AKAP12: variants seen among roughly 807,000 people sequenced by gnomAD.
AKAP12 encodes the protein A-kinase anchor protein 12.
In AKAP12, 32 loss-of-function variants were observed where a neutral mutation model predicts 79.9. The observed-to-expected ratio is 0.40, with a 90% CI of 0.30 to 0.54. The LOEUF is 0.54. Among genes scored for constraint, AKAP12 ranks in the 20% least tolerant of loss-of-function variants. The pLI, the probability that AKAP12 is intolerant of heterozygous loss-of-function variation, is 0.48. For missense variants in AKAP12, 2,074 were observed against 2,177.0 expected (o/e 0.95, Z 0.94); for synonymous variants, 808 against 857.0 (o/e 0.94, Z 1.00).
intron 3 of AKAP12, chr6:151,325,126 C>G (rs2114784703): frequency 1.0e-6 from 1 of 985,424 alleles, no homozygotes; most frequent in African/African-American, 1.7e-5. Context: ...GTTTAGGAAA[C>G]AGCACTACTG....
chr6:151,323,986 C>T, intron 3 of AKAP12: 2 of 985,386 alleles, frequency 2.0e-6, no homozygotes, highest in Non-Finnish European at 2.4e-6. Flanking sequence ...CCCAAGTCGT[C>T]TTTATCCATG....
At chr6:151,287,618 G>T (rs9479003) in intron 2 of AKAP12, among the ~76,000 whole-genome samples, 9,274 of 152,244 alleles carry the variant, frequency 0.061, 368 homozygotes, top group Middle Eastern at 0.092. Flanking sequence ...CCGTTGGTCG[G>T]AGTATAAATT....
At chr6:151,306,036 G>T in intron 3 of AKAP12, 133 bp downstream of exon 3, 4 of 996,582 alleles carry the variant, frequency 4.0e-6, no homozygotes, top group Non-Finnish European at 5.7e-6. Context: ...GGTTACAAAA[G>T]GAAGTATTTA....
intron 2 of AKAP12, among the ~76,000 whole-genome samples, chr6:151,257,419 C>T (rs1258468975): frequency 6.6e-6 from 1 of 152,198 alleles, no homozygotes; most frequent in Non-Finnish European, 1.5e-5. Flanking sequence ...GCCTCAGCCT[C>T]CTGAGTAGCT....
chr6:151,248,599 G>T (rs1357656305), intron 2 of AKAP12, among the ~76,000 whole-genome samples: 1 of 152,214 alleles, frequency 6.6e-6, no homozygotes, highest in Non-Finnish European at 1.5e-5. Context: ...GGTTTCACAT[G>T]ATGAAAGAGT....
At position 151,351,953 on chromosome 6, in the gene AKAP12, A is replaced by G. The variant is rs1256292884; in HGVS notation, c.3562A>G (p.Lys1188Glu). The G allele has an allele frequency of 6.2e-7, 1 of 1,614,156 alleles. No individual in the cohort carries two copies. The highest frequency in any genetic ancestry group is 1.1e-5 in the South Asian group (1 of 91,076). The stretch of plus-strand genomic sequence containing the variant: ...CTTTGACGCACCAGGCACAACCCAG[A>G]AAGACGAGATTGTGGAAATCCATGA... The part of the protein sequence containing the change: ...ADFDAPGTTQ[K>E]DEIVEIHEEN... The change falls in exon 4 of 5, where the codon AAA (lysine) becomes GAA (glutamate). Residue 1188 changes from lysine to glutamate, a missense_variant. Around this residue, in one of 3 missense-constraint regions of AKAP12, gnomAD observed 32 missense variants for 60.4 expected, o/e 0.53. Coordinates refer to ENST00000402676, the MANE Select transcript of AKAP12 (RefSeq NM_005100.4). This position sits in a 1 kb window ranked among gnomAD's most constrained non-coding sequence, Gnocchi z 4.4.
chr6:151,357,711 T>TAA lies in AKAP12; in HGVS notation c.*1997_*1998insAA, dbSNP rs1562759170. The TAA allele has an allele frequency of 3.9e-5, 1 of 25,944 alleles. No individual in the cohort carries two copies. The highest frequency in any genetic ancestry group is 6.4e-5 in the African/African-American group (1 of 15,596). 1.6% of individuals were successfully genotyped at this position (25,944 alleles called of 1,614,324 possible). On this transcript the variant is annotated 3_prime_UTR_variant, in exon 5 of 5. Coordinates refer to ENST00000402676, the MANE Select transcript of AKAP12 (RefSeq NM_005100.4). ...AAAACCTCTGATATATATATATAAT[T>TAA]TTTTTTTTTTTTTTTTTTTGGCCAA...
chr6:151,324,754 T>C (rs995654541), intron 3 of AKAP12: 13 of 985,220 alleles, frequency 1.3e-5, no homozygotes, highest in Middle Eastern at 5.2e-4. Flanking sequence ...AACAAAAAAT[T>C]GGAGTACAAA....
At chr6:151,288,504 A>G (rs1346684849) in intron 2 of AKAP12, among the ~76,000 whole-genome samples, 2 of 152,194 alleles carry the variant, frequency 1.3e-5, no homozygotes, top group African/African-American at 4.8e-5. Context: ...AGAGCAAGAC[A>G]TCGTCTCAAA....
In AKAP12 at chr6:151,305,760, A is replaced by C. The variant is rs1159594166; in HGVS notation, c.176A>C (p.Asn59Thr). ...SDPATKLLQKNGQLSTINGVA... is the reference protein window; with the variant it reads ...SDPATKLLQKTGQLSTINGVA... The stretch of plus-strand genomic sequence containing the variant: ...TCTTTTCCATAGCTCCTACAGAAGA[A>C]TGGTCAGCTGTCCACCATCAATGGC... The change falls in exon 3 of 5, where the codon AAT becomes ACT. Residue 59 changes from asparagine (N) to threonine (T), a missense_variant. Physicochemically the swap from Asn to Thr is moderately conservative, Grantham distance 65. Transcript: ENST00000402676. The C allele has an allele frequency of 6.2e-7, 1 of 1,611,786 alleles. No individual in the cohort carries two copies. Among genetic ancestry groups the C allele is most frequent in the Non-Finnish European group, 8.5e-7 (1 of 1,179,278 alleles).
chr6:151,288,477 AC>A (rs1345178309), intron 2 of AKAP12, among the ~76,000 whole-genome samples: 1 of 152,152 alleles, frequency 6.6e-6, no homozygotes, highest in Non-Finnish European at 1.5e-5. Context: ...GCGCCGCTGT[AC>A]TCCAGCCTGG....
intron 2 of AKAP12, among the ~76,000 whole-genome samples, chr6:151,270,322 T>C (rs1430851805): frequency 6.6e-6 from 1 of 152,242 alleles, no homozygotes; most frequent in Admixed American, 6.5e-5. Context: ...CCTCCCAAAG[T>C]GCTGGGATTA....
rs1399790304 is a variant in AKAP12, at chr6:151,351,064, G to A, written c.2673G>A (p.Met891Ile). 1.2e-6 allele frequency: 2 copies of A among 1,614,048 alleles called. No individual in the cohort carries two copies. The highest frequency in any genetic ancestry group is 2.7e-5 in the African/African-American group (2 of 74,902). The change falls in exon 4 of 5, where the codon ATG becomes ATA. Residue 891 changes from methionine to isoleucine, a missense_variant. Transcript: ENST00000402676. The surrounding 1 kb of genome is among the most constrained non-coding windows in gnomAD (Gnocchi z 4.4). ...SKELSESQVH[M>I]MAAAVADGTR... The stretch of plus-strand genomic sequence containing the variant: ...AGCTCAGCGAGAGTCAGGTTCATAT[G>A]ATGGCAGCAGCTGTCGCTGACGGGA...
intron 3 of AKAP12, chr6:151,324,405 G>A: frequency 2.0e-6 from 2 of 985,394 alleles, no homozygotes; most frequent in Non-Finnish European, 2.4e-6. Context: ...CCCGAGTGTG[G>A]TGCATCGCGC....
At chr6:151,316,765 G>C (rs1445352563) in intron 3 of AKAP12, among the ~76,000 whole-genome samples, 1 of 152,096 alleles carries the variant, frequency 6.6e-6, no homozygotes, top group African/African-American at 2.4e-5. Flanking sequence ...TGAGTAGCTG[G>C]GATTACAGGC....
At chr6:151,336,891 G>A (rs1035822551) in intron 3 of AKAP12, among the ~76,000 whole-genome samples, 30 of 152,126 alleles carry the variant, frequency 2.0e-4, no homozygotes, top group African/African-American at 7.2e-4. Flanking sequence ...TAAGAACAGA[G>A]ATTTTGCCCA....
chr6:151,350,006 G>A lies in AKAP12; in HGVS notation c.1615G>A (p.Gly539Arg). Residue 539 changes from glycine to arginine, a missense_variant, in exon 4 of 5, where the codon GGA becomes AGA. By Grantham distance (125) the Gly-to-Arg change is moderately radical. Coordinates refer to ENST00000402676, the MANE Select transcript of AKAP12 (RefSeq NM_005100.4). This position sits in a 1 kb window ranked among gnomAD's most constrained non-coding sequence, Gnocchi z 4.8. ...AAAGAAACAGAAAGGGAAAAGAGGAGGAGGAGACGAGGAATCAGGGGAGCA... is the reference window on the plus strand; with the variant it reads ...AAAGAAACAGAAAGGGAAAAGAGGAAGAGGAGACGAGGAATCAGGGGAGCA... The part of the protein sequence containing the change: ...SGKKQKGKRG[G>R]GDEESGEHTQ... The A allele has an allele frequency of 1.2e-6, 2 of 1,614,136 alleles. No homozygotes were observed. The highest frequency in any genetic ancestry group is 1.3e-5 in the African/African-American group (1 of 75,036).
intron 2 of AKAP12, among the ~76,000 whole-genome samples, chr6:151,265,670 G>A (rs1056771098): frequency 2.0e-5 from 3 of 152,152 alleles, no homozygotes; most frequent in African/African-American, 7.2e-5. Context: ...TAAAAGTCAA[G>A]AATAATAATG....
intron 2 of AKAP12, among the ~76,000 whole-genome samples, chr6:151,289,012 C>T (rs372236810): frequency 3.9e-5 from 6 of 152,280 alleles, no homozygotes; most frequent in East Asian, 1.9e-4. Flanking sequence ...TTATTCAAGC[C>T]GTAATCAGTA....
Sources: gnomAD v4.1 joint callset for allele counts (sites outside exome capture counted in the v4.1 genomes callset) on GRCh38, gnomAD v4.1.1 for gene constraint, gnomAD v4.1.1 regional missense constraint, Gnocchi (gnomAD v3.1) non-coding constraint, MANE v1.5 for transcripts, NCBI Gene and HGNC (gene_info 2026-07-23, HGNC 2026-07-21) for gene names.